The following BAG4 variants were observed in gnomAD, a reference collection of about 807,000 sequenced individuals.
The protein encoded by BAG4 is BAG cochaperone 4, also known as BAG family molecular chaperone regulator 4.
Under a neutral mutation model 52.1 loss-of-function variants are expected in BAG4, and 28 were observed. The observed-to-expected ratio is 0.54, with a 90% CI of 0.40 to 0.74. The LOEUF (loss-of-function observed/expected upper bound fraction) is 0.74, where lower values mean the gene tolerates loss of function less well. Ranked by LOEUF, BAG4 falls within the 30% of genes least tolerant of loss-of-function variation. BAG4 has a pLI of 0.00. For missense variants in BAG4, 525 were observed against 572.0 expected, an observed-to-expected ratio of 0.92 and a Z score of 0.84; for synonymous variants, 208 against 217.0, an observed-to-expected ratio of 0.96 and a Z score of 0.37.
chr8:38,192,764 C>T lies in BAG4; in HGVS notation c.347C>T (p.Thr116Ile). The T allele has an allele frequency of 1.9e-6, 3 of 1,612,432 alleles. No homozygotes were observed. Among genetic ancestry groups the T allele is most frequent in the Non-Finnish European group, 2.5e-6 (3 of 1,179,252 alleles). ...TARSRAPYPSTYPVRPELQGQ... is the reference protein window; with the variant it reads ...TARSRAPYPSIYPVRPELQGQ... ...AGATCTAGGGCTCCTTACCCAAGTACATATCCTGTAAGACCAGAATTGCAA... is the reference window on the plus strand; with the variant it reads ...AGATCTAGGGCTCCTTACCCAAGTATATATCCTGTAAGACCAGAATTGCAA... Residue 116 changes from threonine to isoleucine, a missense_variant, in exon 2 of 5, where the codon ACA becomes ATA. Coordinates refer to ENST00000287322, the MANE Select transcript of BAG4 (RefSeq NM_004874.4).
intron 2 of BAG4, among the ~76,000 whole-genome samples, chr8:38,196,637 C>A (rs370791236): frequency 5.3e-4 from 80 of 151,442 alleles, no homozygotes; most frequent in Non-Finnish European, 1.0e-3. Context: ...GGCAACAGAG[C>A]GAGACTCTGT....
Position 38,212,457 on chromosome 8 carries a change from T to G in BAG4, c.*1964T>G, listed in dbSNP as rs1405875130. On this transcript the variant is annotated 3_prime_UTR_variant, in exon 5 of 5. Transcript: ENST00000287322. ...ATACTCTGCACCCACCTTGCCCTTATGTTAACATCTTACGTAACAATAGAA... is the reference window on the plus strand; with the variant it reads ...ATACTCTGCACCCACCTTGCCCTTAGGTTAACATCTTACGTAACAATAGAA... 6.6e-6 allele frequency: 1 copy of G among 152,208 alleles called. No individual in the cohort carries two copies. The highest frequency in any genetic ancestry group is 6.5e-5 in the Admixed American group (1 of 15,270). 9.4% of individuals were successfully genotyped at this position (152,208 alleles called of 1,614,324 possible). A position where few individuals can be genotyped will look rare whatever the true frequency, so the allele number is the denominator to read the frequency against.
At chr8:38,204,612 G>A (rs1215468262) in intron 2 of BAG4, among the ~76,000 whole-genome samples, 3 of 150,552 alleles carry the variant, frequency 2.0e-5, no homozygotes, top group African/African-American at 2.4e-5. Context: ...GCAACATAGC[G>A]TGACCTCATT....
intron 1 of BAG4, among the ~76,000 whole-genome samples, chr8:38,190,115 A>C (rs1410255329): frequency 6.6e-6 from 1 of 152,140 alleles, no homozygotes; most frequent in Non-Finnish European, 1.5e-5. Context: ...GTGAGTTTGT[A>C]ATGACACCAC....
chr8:38,202,236 G>C (rs1468144292), intron 2 of BAG4: 1 of 151,980 alleles, frequency 6.6e-6, no homozygotes, highest in African/African-American at 2.4e-5. Flanking sequence ...AGTTGCTTCT[G>C]CTTTGTTCTT....
intron 1 of BAG4, among the ~76,000 whole-genome samples, chr8:38,182,306 A>G (rs1355453382): frequency 6.6e-6 from 1 of 152,204 alleles, no homozygotes; most frequent in Non-Finnish European, 1.5e-5. Context: ...AATATAAGCA[A>G]ATCTGTAAAT....
chr8:38,180,522 C>CAAAAAAAAAAAAAAAAAAAAAAAAAA (rs1161178024), intron 1 of BAG4, among the ~76,000 whole-genome samples: 1 of 26,498 alleles, frequency 3.8e-5, no homozygotes, highest in Non-Finnish European at 7.7e-5. Context: ...GACTCCGTCT[C>CAAAAAAAAAAAAAAAAAAAAAAAAAA]AAAAAAAAAA....
At chr8:38,193,962 C>T (rs530101663) in intron 2 of BAG4, among the ~76,000 whole-genome samples, 127 of 152,278 alleles carry the variant, frequency 8.3e-4, no homozygotes, top group Non-Finnish European at 1.6e-3. Context: ...TGGTCTCAAT[C>T]TCTTGACCTG....
intron 1 of BAG4, among the ~76,000 whole-genome samples, chr8:38,179,460 A>G (rs149130542): frequency 0.015 from 2,216 of 151,998 alleles, 30 homozygotes; most frequent in Middle Eastern, 0.045. Flanking sequence ...CCCGGCCAAG[A>G]TTAATTATAA....
At chr8:38,193,379 A>G (rs947982827) in intron 2 of BAG4, among the ~76,000 whole-genome samples, 1 of 151,822 alleles carries the variant, frequency 6.6e-6, no homozygotes, top group African/African-American at 2.4e-5. Context: ...AGATCACACC[A>G]TTACACTCCA....
At chr8:38,208,952 G>A in intron 3 of BAG4, 61 bp from the exon 4 acceptor site, 1 of 1,551,356 alleles carries the variant, frequency 6.4e-7, no homozygotes, top group Admixed American at 1.8e-5. Context: ...TCTGCCTGTA[G>A]CAGAATATTT....
chr8:38,183,595 T>C (rs1186449302), intron 1 of BAG4, among the ~76,000 whole-genome samples: 4 of 152,228 alleles, frequency 2.6e-5, no homozygotes. Context: ...TAGCAGTCAT[T>C]CTTTTTGATG....
At chr8:38,187,866 CAAAAA>C (rs35690753) in intron 1 of BAG4, among the ~76,000 whole-genome samples, 1 of 56,112 alleles carries the variant, frequency 1.8e-5, no homozygotes, top group Non-Finnish European at 3.5e-5. Flanking sequence ...ACTAAAAATA[CAAAAA>C]AAAAAAAAAA....
rs1288810743 is a variant in BAG4 at position 38,210,994 on chromosome 8, A to T, written c.*501A>T. ...ACTTCTGTTTTGTTTTGTTATTTGCAGTTTACAAATATAGTATTATTCTCT... is the reference window on the plus strand; with the variant it reads ...ACTTCTGTTTTGTTTTGTTATTTGCTGTTTACAAATATAGTATTATTCTCT... On this transcript the variant is annotated 3_prime_UTR_variant, in exon 5 of 5. Coordinates refer to ENST00000287322, the MANE Select transcript of BAG4 (RefSeq NM_004874.4). The T allele has an allele frequency of 6.5e-6, 1 of 153,358 alleles. No individual in the cohort carries two copies. Among genetic ancestry groups the T allele is most frequent in the Non-Finnish European group, 1.5e-5 (1 of 68,694 alleles). 9.5% of individuals were successfully genotyped at this position (153,358 alleles called of 1,614,324 possible). A position where few individuals can be genotyped will look rare whatever the true frequency, so the allele number is the denominator to read the frequency against.
intron 1 of BAG4, among the ~76,000 whole-genome samples, chr8:38,181,349 T>A (rs1428184683): frequency 6.6e-6 from 1 of 150,730 alleles, no homozygotes. Context: ...ATTTACTGCC[T>A]CAGGCTCCCA....
intron 2 of BAG4, among the ~76,000 whole-genome samples, chr8:38,206,978 G>A (rs1296011010): frequency 7.7e-6 from 1 of 130,462 alleles, no homozygotes; most frequent in African/African-American, 2.9e-5. Flanking sequence ...TTGAGATGAA[G>A]TCTTACTCTT....
intron 1 of BAG4, among the ~76,000 whole-genome samples, chr8:38,191,774 A>C (rs924130294): frequency 6.6e-6 from 1 of 151,984 alleles, no homozygotes; most frequent in Non-Finnish European, 1.5e-5. Context: ...AAAAAAAAAA[A>C]AAAAAAAACC....
At chr8:38,186,520 A>G (rs1015158439) in intron 1 of BAG4, among the ~76,000 whole-genome samples, 10 of 152,302 alleles carry the variant, frequency 6.6e-5, no homozygotes, top group African/African-American at 2.4e-4. Context: ...TAGGGAAGAG[A>G]CTGGTTAGAT....
intron 1 of BAG4, among the ~76,000 whole-genome samples, chr8:38,183,889 A>G (rs1370073827): frequency 6.6e-6 from 1 of 152,094 alleles, no homozygotes; most frequent in African/African-American, 2.4e-5. Flanking sequence ...CTTTGTATAT[A>G]TTTTGTCCCA....
Sources: gnomAD v4.1 joint callset for allele counts (sites outside exome capture counted in the v4.1 genomes callset) on GRCh38, gnomAD v4.1.1 for gene constraint, MANE v1.5 for transcripts, NCBI Gene and HGNC (gene_info 2026-07-23, HGNC 2026-07-21) for gene names.